The following FBXO10 variants were observed in gnomAD, a reference collection of about 807,000 sequenced individuals.
FBXO10 encodes the protein F-box protein 10, also known as F-box only protein 10.
In FBXO10, 39 loss-of-function variants were observed where a neutral mutation model predicts 80.7. The ratio of observed to expected loss-of-function variants is 0.48; its 90% confidence interval spans 0.37 to 0.63. The LOEUF (loss-of-function observed/expected upper bound fraction) is 0.63. FBXO10 is among the 30% of genes least tolerant of loss of function. The probability of loss-of-function intolerance (pLI) is 0.00; values close to 1 mark genes in which losing one functional copy is unlikely to be tolerated. For synonymous variants in FBXO10, 449 were observed against 489.6 expected, an observed-to-expected ratio of 0.92 and a Z score of 1.09; for missense variants, 1,025 against 1,269.0, an observed-to-expected ratio of 0.81 and a Z score of 2.92.
intron 3 of FBXO10, among the ~76,000 whole-genome samples, chr9:37,536,761 C>T (rs1439305598): frequency 3.3e-5 from 5 of 152,178 alleles, no homozygotes; most frequent in African/African-American, 2.4e-5. Context: ...GTAATCATAT[C>T]TCCCTGAATT....
intron 1 of FBXO10, among the ~76,000 whole-genome samples, chr9:37,565,864 G>C (rs1283793254): frequency 6.6e-6 from 1 of 152,164 alleles, no homozygotes; most frequent in Non-Finnish European, 1.5e-5. Context: ...AGGAAGAAAG[G>C]GGGCTATAGC....
chr9:37,561,093 G>C (rs1252622409), intron 1 of FBXO10, among the ~76,000 whole-genome samples: 1 of 151,704 alleles, frequency 6.6e-6, no homozygotes, highest in Non-Finnish European at 1.5e-5. Flanking sequence ...AGTGAGCCGA[G>C]ATCGTGCCAC....
chr9:37,547,792 C>G (rs1312892190), intron 1 of FBXO10, among the ~76,000 whole-genome samples: 1 of 151,964 alleles, frequency 6.6e-6, no homozygotes, highest in Non-Finnish European at 1.5e-5. Flanking sequence ...CCCGTCTCTA[C>G]AAAAAAGTTA....
intron 1 of FBXO10, among the ~76,000 whole-genome samples, chr9:37,550,477 A>G (rs1588849900): frequency 1.5e-5 from 2 of 131,818 alleles, no homozygotes; most frequent in African/African-American, 5.8e-5. Context: ...GAGCCACTGC[A>G]CCTGGCCTTT....
chr9:37,533,613 G>C lies in FBXO10; in HGVS notation c.1420-1555C>G, dbSNP rs1306996431. Among the ~76,000 whole-genome samples the C allele has an allele frequency of 3.3e-5, 5 of 151,682 alleles. No homozygotes were observed. The East Asian group carries it at 7.7e-4, about 23-fold the overall frequency. On this transcript the variant is annotated intron_variant, in intron 3 of 10. Coordinates refer to ENST00000432825, the MANE Select transcript of FBXO10 (RefSeq NM_012166.3). The stretch of plus-strand genomic sequence containing the variant: ...AGGCTGGACGTGTTGGCTCATGCCT[G>C]TAATCCCAGCACTTTGGGAGGCTGA...
At chr9:37,558,351 T>C (rs147440616) in intron 1 of FBXO10, among the ~76,000 whole-genome samples, 546 of 152,298 alleles carry the variant, frequency 3.6e-3, no homozygotes, top group Middle Eastern at 0.01. Context: ...AGACCCAAAT[T>C]GCAACCACCA....
At chr9:37,513,460 A>G (rs1409239036) in intron 10 of FBXO10, among the ~76,000 whole-genome samples, 1 of 152,208 alleles carries the variant, frequency 6.6e-6, no homozygotes, top group Non-Finnish European at 1.5e-5. Context: ...ATTGAAAGGA[A>G]TGAACGCCTT....
Position 37,521,817 on chromosome 9 carries a change from C to T in FBXO10, c.1952G>A (p.Trp651Ter), listed in dbSNP as rs1290731138. 2 of 1,596,966 alleles carry T rather than the reference C, an allele frequency of 1.3e-6. No individual in the cohort carries two copies. Among genetic ancestry groups the T allele is most frequent in the East Asian group, 2.2e-5 (1 of 44,754 alleles). ...TIYANKGCGV[W>*]MMSSSLPHVT... ...ATGGGGGAGGCTGGACGACATCATC[C>T]ACACACCACAGCCCTTGTTAGCTGG... Residue 651 changes from tryptophan to a stop codon, truncating the protein, a stop_gained, in exon 8 of 11, where the codon TGG becomes TAG. Transcript: ENST00000432825. LOFTEE classifies it high-confidence loss of function.
intron 1 of FBXO10, among the ~76,000 whole-genome samples, chr9:37,551,363 C>A (rs1027406507): frequency 3.3e-5 from 5 of 152,216 alleles, no homozygotes; most frequent in Admixed American, 2.0e-4. Flanking sequence ...GTCTTGGGGG[C>A]AGCCCTGCTT....
At chr9:37,542,550 C>T (rs924107253) in intron 1 of FBXO10, among the ~76,000 whole-genome samples, 65 of 145,644 alleles carry the variant, frequency 4.5e-4, no homozygotes, top group Non-Finnish European at 7.7e-4. Context: ...GAGCCCAGAT[C>T]GTGCCATTGC....
At chr9:37,529,373 G>A (rs977010658) in intron 4 of FBXO10, 113 bp from the exon 5 acceptor site, 20 of 1,166,532 alleles carry the variant, frequency 1.7e-5, no homozygotes, top group South Asian at 5.9e-5. Flanking sequence ...AGAAAATGAC[G>A]TCACTGTAAG....
At chr9:37,540,881 C>T (rs1821893638) in intron 2 of FBXO10, among the ~76,000 whole-genome samples, 1 of 152,206 alleles carries the variant, frequency 6.6e-6, no homozygotes, top group South Asian at 2.1e-4. Context: ...CAGAACCTGG[C>T]TTTCCCGCCG....
intron 2 of FBXO10, among the ~76,000 whole-genome samples, chr9:37,539,083 T>C (rs1251151860): frequency 2.6e-5 from 4 of 152,252 alleles, no homozygotes. Flanking sequence ...CAGATGTATT[T>C]GAATCATCAA....
chr9:37,525,446 G>T (rs747088465), intron 5 of FBXO10, among the ~76,000 whole-genome samples: 4 of 152,122 alleles, frequency 2.6e-5, no homozygotes, highest in Admixed American at 6.6e-5. Flanking sequence ...TTGTCACTGG[G>T]ACAGCTTGAC....
chr9:37,516,892 C>T (rs1452551647), intron 9 of FBXO10, among the ~76,000 whole-genome samples: 4 of 145,320 alleles, frequency 2.8e-5, no homozygotes, highest in Non-Finnish European at 4.5e-5. Flanking sequence ...ATCTGGGAGG[C>T]GGAGGTTGCA....
Position 37,521,557 on chromosome 9 carries a change from G to T in FBXO10, c.2200+12C>A. On this transcript the variant is annotated intron_variant, in intron 8 of 10. Coordinates refer to ENST00000432825, the MANE Select transcript of FBXO10 (RefSeq NM_012166.3). ...GAAGGTTCTTGAGCAGGGGCTGAGG[G>T]GGTATACTCACCTCCATTGTGATTA... The T allele has an allele frequency of 6.3e-7, 1 of 1,584,750 alleles. No homozygotes were observed. The highest frequency in any genetic ancestry group is 8.6e-7 in the Non-Finnish European group (1 of 1,159,928).
intron 1 of FBXO10, among the ~76,000 whole-genome samples, chr9:37,556,547 T>A (rs968884135): frequency 7.1e-6 from 1 of 141,260 alleles, no homozygotes; most frequent in African/African-American, 2.7e-5. Flanking sequence ...TTTTTTTTTT[T>A]TTTTTTTTTT....
chr9:37,516,114 C>A, intron 9 of FBXO10, 29 bp from the exon 10 acceptor site: 1 of 1,599,430 alleles, frequency 6.3e-7, no homozygotes, highest in East Asian at 2.2e-5. Flanking sequence ...GATTGTCACA[C>A]CTCAGGGATT....
chr9:37,541,871 C>G (rs1167265755), intron 1 of FBXO10, 97 bp from the exon 2 acceptor site: 7 of 1,044,978 alleles, frequency 6.7e-6, no homozygotes, highest in Non-Finnish European at 8.1e-6. Context: ...TCTTCTTGCC[C>G]AGGCTGGAGT....
Sources: allele counts gnomAD v4.1 joint callset (sites outside exome capture counted in the v4.1 genomes callset), GRCh38; gene constraint gnomAD v4.1.1; transcripts MANE v1.5; gene names NCBI Gene and HGNC (gene_info 2026-07-23, HGNC 2026-07-21).